Variants in EYS observed in about 807,000 individuals in gnomAD.
The protein encoded by EYS is EGF-like photoreceptor maintenance factor.
EYS carries 250 observed loss-of-function variants against 282.1 expected under a neutral mutation model. That is an observed-to-expected ratio of 0.89 (90% CI 0.80 to 0.98). The LOEUF (loss-of-function observed/expected upper bound fraction) is 0.98, where lower values mean the gene tolerates loss of function less well. Among genes scored for constraint, EYS ranks in the 50% least tolerant of loss-of-function variants. The pLI is 0.00. For synonymous variants in EYS, 1,355 were observed against 1,282.9 expected, an observed-to-expected ratio of 1.06 and a Z score of -1.20; for missense variants, 4,016 against 3,709.0, an observed-to-expected ratio of 1.08 and a Z score of -2.15.
intron 2 of EYS, among the ~76,000 whole-genome samples, chr6:65,512,696 A>G (rs1259509593): frequency 2.0e-5 from 3 of 152,018 alleles, no homozygotes; most frequent in African/African-American, 7.2e-5. Context: ...ACTACTGGGC[A>G]CATAATGAAA....
intron 24 of EYS, among the ~76,000 whole-genome samples, chr6:64,611,239 C>A (rs1156750752): frequency 6.6e-6 from 1 of 152,054 alleles, no homozygotes; most frequent in African/African-American, 2.4e-5. Context: ...ATTTAGCATT[C>A]TCATTAGCAG....
intron 35 of EYS, among the ~76,000 whole-genome samples, chr6:63,976,351 C>T (rs1766837357): frequency 6.6e-6 from 1 of 152,052 alleles, no homozygotes; most frequent in South Asian, 2.1e-4. Context: ...AACTCCATTA[C>T]AATCCTGTGA....
chr6:63,971,430 T>A (rs895151177), intron 35 of EYS, among the ~76,000 whole-genome samples: 1 of 152,206 alleles, frequency 6.6e-6, no homozygotes, highest in African/African-American at 2.4e-5. Context: ...ATACTTCAAT[T>A]AGATTATATA....
intron 5 of EYS, among the ~76,000 whole-genome samples, chr6:65,434,476 A>G (rs528856051): frequency 1.2e-4 from 18 of 151,970 alleles, no homozygotes; most frequent in South Asian, 1.0e-3. Context: ...GCCCGCCACC[A>G]CGCCCAGCTA....
chr6:65,531,543 GA>G (rs1562243605), intron 2 of EYS, among the ~76,000 whole-genome samples: 1 of 152,106 alleles, frequency 6.6e-6, no homozygotes, highest in African/African-American at 2.4e-5. Flanking sequence ...TACATGAAAG[GA>G]AACATTCAAG....
chr6:64,073,959 G>T (rs1360210625), intron 32 of EYS, among the ~76,000 whole-genome samples: 1 of 151,778 alleles, frequency 6.6e-6, no homozygotes, highest in Non-Finnish European at 1.5e-5. Flanking sequence ...GATGCTTGAT[G>T]ATCCATTAGA....
intron 26 of EYS, among the ~76,000 whole-genome samples, chr6:64,502,333 G>A (rs925145616): frequency 2.6e-5 from 4 of 151,972 alleles, no homozygotes; most frequent in East Asian, 3.9e-4. Context: ...CTCCGCCTCC[G>A]GGGTTCTCGT....
At chr6:64,602,391 A>G (rs980886655) in intron 24 of EYS, among the ~76,000 whole-genome samples, 6 of 152,082 alleles carry the variant, frequency 3.9e-5, no homozygotes, top group Non-Finnish European at 7.4e-5. Flanking sequence ...TTTATATTAC[A>G]AGAAAAACAA....
At chr6:65,582,106 C>G (rs754630661) in intron 2 of EYS, among the ~76,000 whole-genome samples, 5 of 151,420 alleles carry the variant, frequency 3.3e-5, no homozygotes, top group Non-Finnish European at 5.9e-5. Flanking sequence ...TGAGGCAGGA[C>G]AATCGCTTGA....
At chr6:63,815,539 A>G (rs1771156553) in intron 36 of EYS, among the ~76,000 whole-genome samples, 1 of 152,230 alleles carries the variant, frequency 6.6e-6, no homozygotes, top group Non-Finnish European at 1.5e-5. Context: ...AGTCCTGGCC[A>G]TGGATGAATA....
chr6:65,519,484 T>G (rs1322238081), intron 2 of EYS, among the ~76,000 whole-genome samples: 1 of 150,412 alleles, frequency 6.6e-6, no homozygotes, highest in African/African-American at 2.4e-5. Flanking sequence ...AAATACTAGA[T>G]AACTAATAAA....
At chr6:65,397,293 T>A (rs1399438910) in intron 7 of EYS, among the ~76,000 whole-genome samples, 1 of 152,004 alleles carries the variant, frequency 6.6e-6, no homozygotes, top group East Asian at 1.9e-4. Context: ...AGCGGTGAAG[T>A]CTGGGCTTTT....
intron 22 of EYS, among the ~76,000 whole-genome samples, chr6:64,669,539 G>A (rs1037028822): frequency 6.6e-6 from 1 of 152,144 alleles, no homozygotes; most frequent in African/African-American, 2.4e-5. Flanking sequence ...GTGATTACAT[G>A]AATAATGAAA....
At chr6:64,715,265 T>C (rs1438032967) in intron 22 of EYS, among the ~76,000 whole-genome samples, 1 of 152,148 alleles carries the variant, frequency 6.6e-6, no homozygotes, top group Non-Finnish European at 1.5e-5. Flanking sequence ...CTGGGGGTGA[T>C]GGGAGACAGT....
rs564456236 is a variant in EYS at position 63,896,468 on chromosome 6, C to T, written c.7056-32110G>A. Among the ~76,000 whole-genome samples, 3 of 152,178 alleles carry T rather than the reference C, an allele frequency of 2.0e-5. No individual in the cohort carries two copies. In the South Asian group the frequency reaches 6.2e-4, roughly 32 times the overall value. Reference sequence around the variant, plus strand: ...TGGGAAGTACAGAGTTCCCATATACCTCCTGTCCCCACACATGTACAGCCT... The same window carrying T: ...TGGGAAGTACAGAGTTCCCATATACTTCCTGTCCCCACACATGTACAGCCT... On this transcript the variant is annotated intron_variant, in intron 35 of 42. Coordinates refer to ENST00000503581, the MANE Select transcript of EYS (RefSeq NM_001142800.2).
At chr6:65,025,635 A>T (rs1772385829) in intron 13 of EYS, among the ~76,000 whole-genome samples, 1 of 152,090 alleles carries the variant, frequency 6.6e-6, no homozygotes, top group African/African-American at 2.4e-5. Flanking sequence ...AACTGTTTGA[A>T]CCCAGGAGGG....
chr6:64,567,678 T>C (rs1765604826), intron 26 of EYS, among the ~76,000 whole-genome samples: 1 of 152,158 alleles, frequency 6.6e-6, no homozygotes, highest in South Asian at 2.1e-4. Context: ...TGGAAAACTA[T>C]TTCTAAAAAC....
At chr6:64,497,670 C>T (rs927256279) in intron 26 of EYS, among the ~76,000 whole-genome samples, 1 of 152,032 alleles carries the variant, frequency 6.6e-6, no homozygotes, top group Non-Finnish European at 1.5e-5. Flanking sequence ...GACAGACTCA[C>T]GGGCAAACCA....
In EYS at chr6:63,726,597, G is replaced by GT. The variant is rs1304669727; in HGVS notation, c.8154dup (p.His2719ThrfsTer28). 1 of 1,551,114 alleles carries GT rather than the reference G, an allele frequency of 6.4e-7. No individual in the cohort carries two copies. The highest frequency in any genetic ancestry group is 8.7e-7 in the Non-Finnish European group (1 of 1,146,566). Reference sequence around the variant, plus strand: ...AGAGGCTGAAACTGCAATTGAATATGTGTCTTTTTTCGAACATGAAAGGAA... The same window carrying GT: ...AGAGGCTGAAACTGCAATTGAATATGTTGTCTTTTTTCGAACATGAAAGGAA... On this transcript the variant is annotated frameshift_variant, in exon 42 of 43. Coordinates refer to ENST00000503581, the MANE Select transcript of EYS (RefSeq NM_001142800.2). LOFTEE classifies it high-confidence loss of function.
Sources: gnomAD v4.1 joint callset for allele counts (sites outside exome capture counted in the v4.1 genomes callset) on GRCh38, gnomAD v4.1.1 for gene constraint, MANE v1.5 for transcripts, NCBI Gene and HGNC (gene_info 2026-07-23, HGNC 2026-07-21) for gene names.